YAP1: variants seen among roughly 807,000 people sequenced by gnomAD.
YAP1 encodes Yes1 associated transcriptional regulator, also known as transcriptional coactivator YAP1.
YAP1 carries 5 observed loss-of-function variants against 56.9 expected under a neutral mutation model. The ratio of observed to expected loss-of-function variants is 0.09; its 90% confidence interval spans 0.05 to 0.18. The LOEUF (loss-of-function observed/expected upper bound fraction) is 0.18, where lower values mean the gene tolerates loss of function less well. YAP1 is among the 10% of genes least tolerant of loss of function. The probability of loss-of-function intolerance (pLI) is 1.00; values close to 1 mark genes in which losing one functional copy is unlikely to be tolerated. For missense variants in YAP1, 539 were observed against 651.8 expected, an observed-to-expected ratio of 0.83 and a Z score of 1.88; for synonymous variants, 265 against 248.1, an observed-to-expected ratio of 1.07 and a Z score of -0.64.
chr11:102,148,687 A>G (rs1369797573), intron 2 of YAP1, among the ~76,000 whole-genome samples: 1 of 152,200 alleles, frequency 6.6e-6, no homozygotes, highest in Admixed American at 6.5e-5. Context: ...ACAAGACATC[A>G]GTATCTGAAA....
At chr11:102,148,909 T>C (rs763613764) in intron 2 of YAP1, among the ~76,000 whole-genome samples, 23 of 152,206 alleles carry the variant, frequency 1.5e-4, no homozygotes, top group South Asian at 2.1e-4. Flanking sequence ...TATAATCTTT[T>C]AATATTGCCA....
At position 102,230,207 on chromosome 11, in the gene YAP1, G is replaced by A; in HGVS notation, c.*267G>A. 2 of 298,182 alleles carry A rather than the reference G, an allele frequency of 6.7e-6. No individual in the cohort carries two copies. The highest frequency in any genetic ancestry group is 1.3e-5 in the Non-Finnish European group (2 of 159,146). The allele number at this position is 298,182 out of a possible 1,614,324, so 18.5% of individuals were successfully genotyped here. A position where few individuals can be genotyped will look rare whatever the true frequency, so the allele number is the denominator to read the frequency against. ...TATTAAAACTACTGTTCATTTTGGG[G>A]GCTGGGGGAAGTGAGCCTGTTTGGA... On this transcript the variant is annotated 3_prime_UTR_variant, in exon 9 of 9. Transcript: ENST00000282441.
intron 4 of YAP1, among the ~76,000 whole-genome samples, chr11:102,204,719 G>A (rs771248739): frequency 9.9e-5 from 15 of 152,144 alleles, no homozygotes; most frequent in Admixed American, 4.6e-4. Flanking sequence ...ATGTTATTTA[G>A]GATTTTTGTA....
intron 6 of YAP1, among the ~76,000 whole-genome samples, chr11:102,210,308 A>G (rs773648005): frequency 2.0e-5 from 3 of 152,236 alleles, no homozygotes; most frequent in Non-Finnish European, 2.9e-5. Flanking sequence ...CTCTTGGGGC[A>G]GAAGCAACCA....
At chr11:102,210,316 C>T (rs1949335390) in intron 6 of YAP1, among the ~76,000 whole-genome samples, 1 of 152,140 alleles carries the variant, frequency 6.6e-6, no homozygotes, top group Non-Finnish European at 1.5e-5. Context: ...GCAGAAGCAA[C>T]CATATAATGC....
At chr11:102,211,261 G>C (rs1367575500) in intron 6 of YAP1, among the ~76,000 whole-genome samples, 1 of 152,028 alleles carries the variant, frequency 6.6e-6, no homozygotes, top group Non-Finnish European at 1.5e-5. Context: ...TTTCATACTT[G>C]AATAGAAAAG....
chr11:102,114,482 A>T, intron 2 of YAP1, 88 bp downstream of exon 2: 2 of 1,420,536 alleles, frequency 1.4e-6, no homozygotes, highest in Non-Finnish European at 1.9e-6. Context: ...ACAGAATATC[A>T]TTTATTTTTA....
intron 2 of YAP1, among the ~76,000 whole-genome samples, chr11:102,127,492 AAGAATTC>A (rs143297488): frequency 0.073 from 11,079 of 152,252 alleles, 616 homozygotes; most frequent in African/African-American, 0.14. Flanking sequence ...CACAGAAGTC[AAGAATTC>A]AGGTTTGGGA....
In YAP1 at chr11:102,110,725, G is replaced by T. The variant is rs1942838903; in HGVS notation, c.-124G>T. 3.3e-6 allele frequency: 3 copies of T among 906,464 alleles called. No homozygotes were observed. The highest frequency in any genetic ancestry group is 1.8e-5 in the African/African-American group (1 of 56,552). 56.2% of individuals were successfully genotyped at this position (906,464 alleles called of 1,614,324 possible). A position where few individuals can be genotyped will look rare whatever the true frequency, so the allele number is the denominator to read the frequency against. On this transcript the variant is annotated 5_prime_UTR_variant, in exon 1 of 9. Transcript: ENST00000282441. ...GGCGCAGCCCCCCGGCCCTGAGAGCGAGGACAGCGCCGCCCGGCCCGCAGC... is the reference window on the plus strand; with the variant it reads ...GGCGCAGCCCCCCGGCCCTGAGAGCTAGGACAGCGCCGCCCGGCCCGCAGC...
At chr11:102,135,763 C>G (rs1944637491) in intron 2 of YAP1, among the ~76,000 whole-genome samples, 1 of 151,994 alleles carries the variant, frequency 6.6e-6, no homozygotes, top group Admixed American at 6.6e-5. Context: ...TTTTAATTTG[C>G]CACAGTTCTT....
At chr11:102,163,030 T>C (rs777223171) in intron 3 of YAP1, among the ~76,000 whole-genome samples, 40 of 151,262 alleles carry the variant, frequency 2.6e-4, no homozygotes, top group Non-Finnish European at 4.6e-4. Flanking sequence ...ACTTTTAATG[T>C]GGTGTTATTC....
At chr11:102,194,763 G>A (rs1565254739) in intron 4 of YAP1, among the ~76,000 whole-genome samples, 1 of 152,044 alleles carries the variant, frequency 6.6e-6, no homozygotes, top group African/African-American at 2.4e-5. Context: ...AAACTCTGAG[G>A]TATGCATCAC....
At chr11:102,227,622 T>C (rs1374032677) in intron 8 of YAP1, 41 bp downstream of exon 8, 1 of 1,378,646 alleles carries the variant, frequency 7.3e-7, no homozygotes, top group South Asian at 1.2e-5. Context: ...GACTTAACAG[T>C]GGGATATGTT....
chr11:102,209,032 A>C (rs1835635482), intron 5 of YAP1, among the ~76,000 whole-genome samples: 1 of 152,168 alleles, frequency 6.6e-6, no homozygotes, highest in African/African-American at 2.4e-5. Flanking sequence ...TTTCATCTTT[A>C]CTGCCTACTG....
At chr11:102,142,569 C>T (rs1293500567) in intron 2 of YAP1, among the ~76,000 whole-genome samples, 1 of 152,248 alleles carries the variant, frequency 6.6e-6, no homozygotes, top group Non-Finnish European at 1.5e-5. Flanking sequence ...AGAGCCATGG[C>T]ATAGCCAGAC....
chr11:102,112,159 CAT>C (rs1215592524), intron 1 of YAP1, among the ~76,000 whole-genome samples: 1 of 152,218 alleles, frequency 6.6e-6, no homozygotes, highest in East Asian at 1.9e-4. Flanking sequence ...CAGGTTGACT[CAT>C]AGGCCAAGTC....
At chr11:102,148,785 T>C (rs1945466784) in intron 2 of YAP1, among the ~76,000 whole-genome samples, 1 of 152,150 alleles carries the variant, frequency 6.6e-6, no homozygotes, top group Non-Finnish European at 1.5e-5. Context: ...ATTGCACATG[T>C]AGAGATTTAA....
chr11:102,146,499 T>G (rs1945328852), intron 2 of YAP1, among the ~76,000 whole-genome samples: 1 of 152,218 alleles, frequency 6.6e-6, no homozygotes, highest in Admixed American at 6.5e-5. Context: ...GAGAAGGTCT[T>G]ACACACCCCT....
At chr11:102,180,994 A>T (rs1947578475) in intron 3 of YAP1, among the ~76,000 whole-genome samples, 1 of 152,104 alleles carries the variant, frequency 6.6e-6, no homozygotes, top group South Asian at 2.1e-4. Context: ...AGAAAAATTT[A>T]AAAAATAGCT....
Sources: gnomAD v4.1 joint callset for allele counts (sites outside exome capture counted in the v4.1 genomes callset) on GRCh38, gnomAD v4.1.1 for gene constraint, MANE v1.5 for transcripts, NCBI Gene and HGNC (gene_info 2026-07-23, HGNC 2026-07-21) for gene names.